Variants in RSPRY1 observed in about 807,000 individuals in gnomAD.
RSPRY1 encodes the protein RING finger and SPRY domain-containing protein 1.
In RSPRY1, 23 loss-of-function variants were observed where a neutral mutation model predicts 73.1. The observed-to-expected ratio is 0.31, with a 90% CI of 0.23 to 0.45. The LOEUF (loss-of-function observed/expected upper bound fraction) is 0.45, where lower values mean the gene tolerates loss of function less well. Among genes scored for constraint, RSPRY1 ranks in the 20% least tolerant of loss-of-function variants. The probability of loss-of-function intolerance (pLI) is 1.00; values close to 1 mark genes in which losing one functional copy is unlikely to be tolerated. For missense variants in RSPRY1, 448 were observed against 698.7 expected, an observed-to-expected ratio of 0.64 and a Z score of 4.05; for synonymous variants, 226 against 251.4, an observed-to-expected ratio of 0.90 and a Z score of 0.95.
chr16:57,190,188 C>T (rs1393317909), intron 1 of RSPRY1, among the ~76,000 whole-genome samples: 1 of 151,988 alleles, frequency 6.6e-6, no homozygotes, highest in Middle Eastern at 3.4e-3. Flanking sequence ...GGCAACATGG[C>T]AAAACCCCAT....
At chr16:57,238,593 A>G (rs2075335197) in intron 14 of RSPRY1, among the ~76,000 whole-genome samples, 1 of 152,194 alleles carries the variant, frequency 6.6e-6, no homozygotes, top group Admixed American at 6.5e-5. Flanking sequence ...GGGGAGAAAT[A>G]TTATATCCCT....
intron 11 of RSPRY1, 78 bp from the exon 12 acceptor site, chr16:57,230,633 T>A (rs2075200980): frequency 1.3e-6 from 1 of 799,612 alleles, no homozygotes; most frequent in South Asian, 1.5e-5. Context: ...ACAGTGCCAT[T>A]GAAACACTTG....
At chr16:57,213,772 A>G in intron 5 of RSPRY1, 116 bp from the exon 6 acceptor site, 1 of 786,820 alleles carries the variant, frequency 1.3e-6, no homozygotes, top group Non-Finnish European at 2.2e-6. Flanking sequence ...TCAGAGCAGG[A>G]GGCTTTAATA....
chr16:57,209,809 G>T (rs1460962654), intron 4 of RSPRY1, among the ~76,000 whole-genome samples: 1 of 151,904 alleles, frequency 6.6e-6, no homozygotes, highest in African/African-American at 2.4e-5. Context: ...CATGTAGCTG[G>T]GACCATAGGT....
chr16:57,210,664 G>T (rs755912847), intron 4 of RSPRY1, among the ~76,000 whole-genome samples: 174 of 151,840 alleles, frequency 1.1e-3, no homozygotes, highest in Non-Finnish European at 2.2e-3. Context: ...AGTGAGCTGA[G>T]ATTGTGCTAC....
intron 11 of RSPRY1, among the ~76,000 whole-genome samples, 192 bp downstream of exon 11, chr16:57,227,645 G>A (rs2075140058): frequency 6.6e-6 from 1 of 152,206 alleles, no homozygotes; most frequent in Non-Finnish European, 1.5e-5. Context: ...AGTTCTTCCT[G>A]TAGCAAAAAC....
intron 10 of RSPRY1, among the ~76,000 whole-genome samples, chr16:57,221,905 CTATAA>C (rs1386580154): frequency 1.3e-5 from 2 of 152,142 alleles, no homozygotes; most frequent in Non-Finnish European, 2.9e-5. Flanking sequence ...TTATAGAAAG[CTATAA>C]TATAAAAGGG....
intron 7 of RSPRY1, 22 bp downstream of exon 7, chr16:57,216,195 A>T: frequency 3.9e-6 from 6 of 1,545,830 alleles, no homozygotes; most frequent in Non-Finnish European, 5.4e-6. Flanking sequence ...GACTTCTTGC[A>T]CTAATGATCT....
chr16:57,209,308 G>T, intron 4 of RSPRY1, 121 bp downstream of exon 4: 1 of 629,762 alleles, frequency 1.6e-6, no homozygotes, highest in South Asian at 2.2e-5. Flanking sequence ...GTTTTATTCA[G>T]TATTGATTTT....
At chr16:57,201,765 C>G (rs1028582716) in intron 1 of RSPRY1, among the ~76,000 whole-genome samples, 2 of 152,202 alleles carry the variant, frequency 1.3e-5, no homozygotes, top group Non-Finnish European at 2.9e-5. Flanking sequence ...GAGACCAGCC[C>G]GGCCAACACA....
intron 14 of RSPRY1, among the ~76,000 whole-genome samples, chr16:57,237,628 C>T (rs185843195): frequency 1.5e-4 from 23 of 152,192 alleles, no homozygotes; most frequent in African/African-American, 5.5e-4. Flanking sequence ...TGGATACTTC[C>T]ATAACAATAC....
chr16:57,195,078 A>G (rs1179179698), intron 1 of RSPRY1, among the ~76,000 whole-genome samples: 2 of 152,240 alleles, frequency 1.3e-5, no homozygotes, highest in Admixed American at 6.5e-5. Context: ...AATAAATAAT[A>G]TAGAAATGGA....
At position 57,220,829 on chromosome 16, in the gene RSPRY1, C is replaced by G; in HGVS notation, c.999C>G (p.Ile333Met). 1.2e-6 allele frequency: 2 copies of G among 1,611,938 alleles called. No homozygotes were observed. The highest frequency in any genetic ancestry group is 1.7e-6 in the Non-Finnish European group (2 of 1,177,980). Residue 333 changes from isoleucine to methionine, a missense_variant, in exon 9 of 15, where the codon ATC becomes ATG. Ile to Met is a conservative substitution (Grantham distance 10). Coordinates refer to ENST00000394420, the MANE Select transcript of RSPRY1 (RefSeq NM_133368.3). ...NSNDVSEYLK[I>M]SPHGLEARCD... ...ATGATGTCAGCGAGTACCTGAAGAT[C>G]TCACCTCATGGCTTAGAGGTAGGTA...
chr16:57,228,327 A>G (rs2075152583), intron 11 of RSPRY1, among the ~76,000 whole-genome samples: 1 of 151,234 alleles, frequency 6.6e-6, no homozygotes. Flanking sequence ...CCATATGGAA[A>G]CAGCTCCACT....
At chr16:57,206,531 C>T (rs1355106569) in intron 2 of RSPRY1, among the ~76,000 whole-genome samples, 1 of 152,094 alleles carries the variant, frequency 6.6e-6, no homozygotes, top group African/African-American at 2.4e-5. Flanking sequence ...AAAATGGGTG[C>T]AGAATAGACT....
intron 14 of RSPRY1, among the ~76,000 whole-genome samples, chr16:57,237,031 G>T (rs910594307): frequency 6.6e-6 from 1 of 152,086 alleles, no homozygotes; most frequent in Non-Finnish European, 1.5e-5. Flanking sequence ...ACCCGGGCGT[G>T]GTGGTGGGCG....
At position 57,203,958 on chromosome 16, in the gene RSPRY1, C is replaced by G. The variant is rs951503831; in HGVS notation, c.-155-546C>G. ...TTGAGTGAGCTTCCAATGGGAAACT[C>G]TATCCTTTTATTCTCCTTGATATCA... On this transcript the variant is annotated intron_variant, in intron 1 of 14. Coordinates refer to ENST00000394420, the MANE Select transcript of RSPRY1 (RefSeq NM_133368.3). Among the ~76,000 whole-genome samples the G allele has an allele frequency of 2.0e-5, 3 of 152,142 alleles. No homozygotes were observed. The South Asian group carries it at 6.2e-4, about 32-fold the overall frequency.
chr16:57,231,292 C>G lies in RSPRY1; in HGVS notation c.1502C>G (p.Thr501Arg). 6.2e-7 allele frequency: 1 copy of G among 1,613,104 alleles called. No homozygotes were observed. The highest frequency in any genetic ancestry group is 8.5e-7 in the Non-Finnish European group (1 of 1,179,654). Residue 501 changes from threonine to arginine, a missense_variant, in exon 13 of 15, where the codon ACA (threonine) becomes AGA (arginine). By Grantham distance (71) the Thr-to-Arg change is moderately conservative. Transcript: ENST00000394420. ...ACTTTTAATGACTACGCCTTCCTAACAGCTGAAGAAAAAATCATTTTGCCA... is the reference window on the plus strand; with the variant it reads ...ACTTTTAATGACTACGCCTTCCTAAGAGCTGAAGAAAAAATCATTTTGCCA... The part of the protein sequence containing the change: ...FSTFNDYAFL[T>R]AEEKIILPRH...
Position 57,235,095 on chromosome 16 carries a change from AT to A in RSPRY1, c.1530-28del, listed in dbSNP as rs1288711183. On this transcript the variant is annotated intron_variant, in intron 13 of 14. Transcript: ENST00000394420. ...TGCTAACAGGACCCCTGTTGACAAA[AT>A]GTATTTCAAATTGCTTTTTCTACTC... The A allele has an allele frequency of 2.6e-6, 4 of 1,551,450 alleles. No individual in the cohort carries two copies. In the South Asian group the frequency reaches 3.4e-5, roughly 13 times the overall value.
Sources: gnomAD v4.1 joint callset for allele counts (sites outside exome capture counted in the v4.1 genomes callset) on GRCh38, gnomAD v4.1.1 for gene constraint, MANE v1.5 for transcripts, NCBI Gene and HGNC (gene_info 2026-07-23, HGNC 2026-07-21) for gene names.